Variants in CNBD1 observed in about 807,000 individuals in gnomAD.
The protein encoded by CNBD1 is cyclic nucleotide binding domain containing 1, also known as cyclic nucleotide-binding domain-containing protein 1.
Under a neutral mutation model 54.4 loss-of-function variants are expected in CNBD1, and 71 were observed. The ratio of observed to expected loss-of-function variants is 1.30; its 90% CI spans 1.08 to 1.59. The LOEUF (loss-of-function observed/expected upper bound fraction) is 1.59, where lower values mean the gene tolerates loss of function less well. CNBD1 is among the 40% of genes most tolerant of loss of function. The pLI, the probability that CNBD1 is intolerant of heterozygous loss-of-function variation, is 0.00. For synonymous variants in CNBD1, 182 were observed against 170.7 expected (o/e 1.07, Z -0.51); for missense variants, 659 against 518.0 (o/e 1.27, Z -2.64).
chr8:87,305,169 A>C (rs554517924), intron 8 of CNBD1, among the ~76,000 whole-genome samples: 1 of 152,260 alleles, frequency 6.6e-6, no homozygotes, highest in East Asian at 1.9e-4. Context: ...GCTGCAAAAA[A>C]AGAAAAAATA....
chr8:87,294,189 T>C (rs1808833444), intron 8 of CNBD1, among the ~76,000 whole-genome samples: 2 of 152,136 alleles, frequency 1.3e-5, no homozygotes, highest in South Asian at 4.1e-4. Flanking sequence ...GCAATGGAGA[T>C]AAGAAGTAGT....
intron 6 of CNBD1, among the ~76,000 whole-genome samples, chr8:87,265,182 G>T (rs1386401590): frequency 6.6e-6 from 1 of 152,044 alleles, no homozygotes; most frequent in Non-Finnish European, 1.5e-5. Flanking sequence ...TTTGTATAAG[G>T]TGTAAGGAAG....
chr8:87,335,135 A>T (rs947210672), intron 8 of CNBD1, among the ~76,000 whole-genome samples: 1 of 152,042 alleles, frequency 6.6e-6, no homozygotes, highest in Non-Finnish European at 1.5e-5. Flanking sequence ...TATGTGGTCG[A>T]TTTTAGAGTA....
In CNBD1 at chr8:87,224,365, T is replaced by G. The variant is rs1586342201; in HGVS notation, c.578-12554T>G. Among the ~76,000 whole-genome samples the G allele has an allele frequency of 2.6e-5, 4 of 151,676 alleles. No homozygotes were observed. The South Asian group carries it at 8.3e-4, about 32-fold the overall frequency. On this transcript the variant is annotated intron_variant, in intron 5 of 10. Transcript: ENST00000518476. ...TGCCTAGGTTTTCTTCTAGGGTTTT[T>G]ATGGTTTTAGGTCTAATGTTTAAGT... is the stretch of plus-strand genomic sequence containing the variant.
At chr8:86,944,507 CAATT>C (rs1807418642) in intron 4 of CNBD1, among the ~76,000 whole-genome samples, 1 of 152,124 alleles carries the variant, frequency 6.6e-6, no homozygotes, top group East Asian at 1.9e-4. Flanking sequence ...GAGAGAGAGA[CAATT>C]AAATACCTTG....
intron 8 of CNBD1, among the ~76,000 whole-genome samples, chr8:87,335,742 T>A (rs112720542): frequency 3.9e-5 from 6 of 152,320 alleles, no homozygotes; most frequent in African/African-American, 1.4e-4. Flanking sequence ...TTTTATCATG[T>A]CGTCATGACA....
At chr8:87,279,040 AAT>A (rs1808537739) in intron 6 of CNBD1, among the ~76,000 whole-genome samples, 1 of 151,482 alleles carries the variant, frequency 6.6e-6, no homozygotes, top group Admixed American at 6.6e-5. Flanking sequence ...CTATTTAATT[AAT>A]AGTTATTTTT....
At chr8:87,346,453 A>AT (rs1810178070) in intron 8 of CNBD1, among the ~76,000 whole-genome samples, 1 of 151,776 alleles carries the variant, frequency 6.6e-6, no homozygotes, top group African/African-American at 2.4e-5. Context: ...CTATTTGGTT[A>AT]TTTTTTGTAA....
At chr8:87,222,938 AC>A (rs1814374120) in intron 5 of CNBD1, among the ~76,000 whole-genome samples, 1 of 152,082 alleles carries the variant, frequency 6.6e-6, no homozygotes, top group Non-Finnish European at 1.5e-5. Context: ...GTATATAAAT[AC>A]TTTTATGAAA....
At chr8:86,878,950 T>C (rs983970162) in intron 1 of CNBD1, among the ~76,000 whole-genome samples, 4 of 152,210 alleles carry the variant, frequency 2.6e-5, no homozygotes, top group East Asian at 1.9e-4. Flanking sequence ...CTGTTTGTCA[T>C]GATGAATAGA....
Position 86,905,752 on chromosome 8 carries a change from T to G in CNBD1, c.272+558T>G, listed in dbSNP as rs144642939. ...CCTCTCAGTAAAGGATGAAGGTAGA[T>G]TGCCAGATCACATTGTGATGCAGCT... On this transcript the variant is annotated intron_variant, in intron 3 of 10. Transcript: ENST00000518476. 3.8e-3 allele frequency among the ~76,000 whole-genome samples: 575 copies of G among 152,288 alleles called. 2 individuals are homozygous for G. The highest frequency in any genetic ancestry group is 0.012 in the African/African-American group (518 of 41,580).
At chr8:87,052,111 G>A (rs565663677) in intron 4 of CNBD1, among the ~76,000 whole-genome samples, 2 of 152,282 alleles carry the variant, frequency 1.3e-5, no homozygotes, top group East Asian at 3.9e-4. Context: ...GGATCCTGGA[G>A]TTTATAGGCC....
intron 4 of CNBD1, among the ~76,000 whole-genome samples, chr8:87,044,073 T>C (rs1810130208): frequency 6.6e-6 from 1 of 152,246 alleles, no homozygotes; most frequent in Non-Finnish European, 1.5e-5. Flanking sequence ...TAGATGGCTT[T>C]AGAAAGGACT....
chr8:87,338,560 G>C (rs1365590316), intron 8 of CNBD1, among the ~76,000 whole-genome samples: 1 of 150,394 alleles, frequency 6.6e-6, no homozygotes, highest in Admixed American at 6.6e-5. Context: ...GAAGTCAGAT[G>C]TAATTCTCCT....
chr8:86,991,103 A>G (rs147505687), intron 4 of CNBD1, among the ~76,000 whole-genome samples: 18 of 152,242 alleles, frequency 1.2e-4, no homozygotes, highest in African/African-American at 3.8e-4. Context: ...GTTTCCAAAT[A>G]TAAGATTATA....
At chr8:87,366,715 G>C (rs1193256195) in intron 10 of CNBD1, among the ~76,000 whole-genome samples, 1 of 152,028 alleles carries the variant, frequency 6.6e-6, no homozygotes, top group Non-Finnish European at 1.5e-5. Context: ...GGTAAGGAGA[G>C]CATGACAGGT....
intron 2 of CNBD1, among the ~76,000 whole-genome samples, chr8:86,899,425 C>T (rs1808899570): frequency 6.6e-6 from 1 of 151,868 alleles, no homozygotes; most frequent in African/African-American, 2.4e-5. Flanking sequence ...TCTAGAACAT[C>T]ATGTTGTACA....
At chr8:87,156,719 G>A (rs1003350582) in intron 4 of CNBD1, among the ~76,000 whole-genome samples, 1 of 152,092 alleles carries the variant, frequency 6.6e-6, no homozygotes. Context: ...GGTTAAGCCT[G>A]CTATGGGATT....
At chr8:86,941,698 A>G (rs1428330861) in intron 4 of CNBD1, among the ~76,000 whole-genome samples, 1 of 152,222 alleles carries the variant, frequency 6.6e-6, no homozygotes, top group East Asian at 1.9e-4. Context: ...TAAGAAGCCT[A>G]GTACCTTCTT....
Sources: allele counts gnomAD v4.1 joint callset (sites outside exome capture counted in the v4.1 genomes callset), GRCh38; gene constraint gnomAD v4.1.1; transcripts MANE v1.5; gene names NCBI Gene and HGNC (gene_info 2026-07-23, HGNC 2026-07-21).